The following FRMD4B variants were observed in gnomAD, a reference collection of about 807,000 sequenced individuals.
FRMD4B encodes FERM domain containing 4B.
FRMD4B carries 74 observed loss-of-function variants against 141.5 expected under a neutral mutation model. The ratio of observed to expected loss-of-function variants is 0.52; its 90% CI spans 0.43 to 0.63. FRMD4B has a LOEUF of 0.63. FRMD4B is among the 30% of genes least tolerant of loss of function. The pLI is 0.00. For synonymous variants in FRMD4B, 506 were observed against 467.9 expected (o/e 1.08, Z -1.05); for missense variants, 1,366 against 1,253.4 (o/e 1.09, Z -1.36).
intron 1 of FRMD4B, among the ~76,000 whole-genome samples, chr3:69,344,976 TAGGACAGTGGGTGC>T (rs938406899): frequency 3.3e-5 from 5 of 151,858 alleles, no homozygotes; most frequent in African/African-American, 7.3e-5. Flanking sequence ...CTGGGGCTTG[TAGGACAGTGGGTGC>T]AGGACAGTGG....
chr3:69,517,655 C>T (rs1284675237), intron 1 of FRMD4B, among the ~76,000 whole-genome samples: 2 of 152,094 alleles, frequency 1.3e-5, no homozygotes, highest in Non-Finnish European at 1.5e-5. Context: ...TGAAAAGAAC[C>T]GGGCTTCCTG....
intron 1 of FRMD4B, among the ~76,000 whole-genome samples, chr3:69,462,202 G>A (rs1018771244): frequency 6.6e-6 from 1 of 152,154 alleles, no homozygotes; most frequent in Non-Finnish European, 1.5e-5. Context: ...AGAGCCGCAA[G>A]TAACCAGAGC....
chr3:69,508,818 C>G (rs1190258240), intron 1 of FRMD4B, among the ~76,000 whole-genome samples: 1 of 152,182 alleles, frequency 6.6e-6, no homozygotes, highest in South Asian at 2.1e-4. Flanking sequence ...TCAGGCACAA[C>G]AACCTATGAG....
chr3:69,272,325 A>T (rs1188680876), intron 5 of FRMD4B, among the ~76,000 whole-genome samples: 1 of 152,108 alleles, frequency 6.6e-6, no homozygotes, highest in Non-Finnish European at 1.5e-5. Context: ...TGTTTTTAGT[A>T]GAGATGGTTA....
intron 1 of FRMD4B, among the ~76,000 whole-genome samples, chr3:69,343,598 T>C (rs1405370438): frequency 2.3e-5 from 3 of 130,732 alleles, no homozygotes; most frequent in Non-Finnish European, 5.0e-5. Flanking sequence ...TTTTTTTTTT[T>C]AGACGGGGTC....
At chr3:69,208,194 G>A (rs2093042457) in intron 11 of FRMD4B, among the ~76,000 whole-genome samples, 1 of 152,116 alleles carries the variant, frequency 6.6e-6, no homozygotes, top group South Asian at 2.1e-4. Context: ...CTCCTGAGTA[G>A]CTGAGATTAC....
At chr3:69,238,014 G>A (rs999189647) in intron 7 of FRMD4B, among the ~76,000 whole-genome samples, 1 of 152,212 alleles carries the variant, frequency 6.6e-6, no homozygotes, top group African/African-American at 2.4e-5. Flanking sequence ...TTACAGGCGT[G>A]AGCCACAGCG....
At chr3:69,358,672 G>C (rs1434345798) in intron 1 of FRMD4B, among the ~76,000 whole-genome samples, 1 of 152,138 alleles carries the variant, frequency 6.6e-6, no homozygotes, top group Admixed American at 6.6e-5. Flanking sequence ...GGAGGTTGAG[G>C]CTGCAGTGAG....
intron 2 of FRMD4B, among the ~76,000 whole-genome samples, chr3:69,394,909 A>G (rs542427898): frequency 2.0e-5 from 3 of 152,212 alleles, no homozygotes; most frequent in Admixed American, 6.5e-5. Flanking sequence ...GCAAACTAAC[A>G]CAGAAACAGA....
At chr3:69,425,410 G>A (rs1705059151) in intron 2 of FRMD4B, among the ~76,000 whole-genome samples, 2 of 152,290 alleles carry the variant, frequency 1.3e-5, no homozygotes, top group Admixed American at 1.3e-4. Context: ...CCTGAAACTA[G>A]TGCTAGAAGT....
chr3:69,537,182 A>G (rs1050653302), intron 1 of FRMD4B, among the ~76,000 whole-genome samples: 3 of 152,194 alleles, frequency 2.0e-5, no homozygotes, highest in African/African-American at 7.2e-5. Flanking sequence ...ACCAGGATTG[A>G]CCCAGGGAAG....
At chr3:69,187,657 C>T in intron 19 of FRMD4B, 113 bp downstream of exon 19, 1 of 1,001,650 alleles carries the variant, frequency 1.0e-6, no homozygotes, top group South Asian at 1.8e-5. Flanking sequence ...AAGATAACAT[C>T]TTTTGGAAGG....
chr3:69,477,781 A>G (rs1246581813), intron 1 of FRMD4B, among the ~76,000 whole-genome samples: 1 of 149,332 alleles, frequency 6.7e-6, no homozygotes, highest in Non-Finnish European at 1.5e-5. Flanking sequence ...AAGGAATGGT[A>G]CCAGTTCCTC....
chr3:69,378,816 A>C (rs1289633989), intron 1 of FRMD4B, among the ~76,000 whole-genome samples: 1 of 152,012 alleles, frequency 6.6e-6, no homozygotes, highest in Non-Finnish European at 1.5e-5. Context: ...TAAAAAAAAA[A>C]AACCAAAAAA....
intron 1 of FRMD4B, among the ~76,000 whole-genome samples, chr3:69,455,346 G>A (rs888749233): frequency 6.6e-6 from 1 of 152,208 alleles, no homozygotes; most frequent in Admixed American, 6.5e-5. Flanking sequence ...GCAGTTGCTT[G>A]TTATTTGGGT....
intron 1 of FRMD4B, among the ~76,000 whole-genome samples, chr3:69,339,935 A>G (rs1702679500): frequency 6.6e-6 from 1 of 152,038 alleles, no homozygotes; most frequent in South Asian, 2.1e-4. Flanking sequence ...TCAATCAGAA[A>G]AAAACTCCCA....
intron 5 of FRMD4B, among the ~76,000 whole-genome samples, chr3:69,256,338 G>C (rs7627401): frequency 2.2e-3 from 334 of 152,262 alleles, no homozygotes; most frequent in African/African-American, 7.7e-3. Flanking sequence ...GTTTGTTTTT[G>C]AGATGGAGTC....
chr3:69,539,405 A>G (rs1366826616), intron 1 of FRMD4B, among the ~76,000 whole-genome samples: 1 of 151,928 alleles, frequency 6.6e-6, no homozygotes, highest in Non-Finnish European at 1.5e-5. Context: ...TGTGAAGTTA[A>G]CTCCTCCCAC....
At chr3:69,464,737 A>T (rs1705755322) in intron 1 of FRMD4B, among the ~76,000 whole-genome samples, 1 of 152,172 alleles carries the variant, frequency 6.6e-6, no homozygotes, top group Non-Finnish European at 1.5e-5. Context: ...AGGGAACAAC[A>T]CACCGTCAAT....
Sources: gnomAD v4.1 joint callset for allele counts (sites outside exome capture counted in the v4.1 genomes callset) on GRCh38, gnomAD v4.1.1 for gene constraint, MANE v1.5 for transcripts, NCBI Gene and HGNC (gene_info 2026-07-23, HGNC 2026-07-21) for gene names.